USP46: variants seen among roughly 807,000 people sequenced by gnomAD.
USP46 encodes ubiquitin carboxyl-terminal hydrolase 46.
In USP46, 12 loss-of-function variants were observed where a neutral mutation model predicts 44.4. That is an observed-to-expected ratio of 0.27 (90% CI 0.17 to 0.44). The LOEUF (loss-of-function observed/expected upper bound fraction) is 0.44, where lower values mean the gene tolerates loss of function less well. Among genes scored for constraint, USP46 ranks in the 20% least tolerant of loss-of-function variants. USP46 has a pLI of 1.00. For missense variants in USP46, 248 were observed against 444.8 expected (o/e 0.56, Z 3.98); for synonymous variants, 155 against 161.5 (o/e 0.96, Z 0.31).
chr4:52,615,605 T>A (rs1005792381), intron 4 of USP46, among the ~76,000 whole-genome samples: 1 of 152,188 alleles, frequency 6.6e-6, no homozygotes, highest in Admixed American at 6.5e-5. Context: ...AAAAACGTTA[T>A]GTAAGTGAAG....
At position 52,654,505 on chromosome 4, in the gene USP46, C is replaced by T. The variant is rs888566598; in HGVS notation, c.36+4610G>A. Among the ~76,000 whole-genome samples, 20 of 152,128 alleles carry T rather than the reference C, an allele frequency of 1.3e-4. 1 individual carries two copies. The highest frequency in any genetic ancestry group is 2.5e-4 in the Non-Finnish European group (17 of 68,022). ...TTCAAAATTGTAATGTTTACTTTCC[C>T]TTTATTTCCAGATAACTTCATTTAT... On this transcript the variant is annotated intron_variant, in intron 1 of 8. Transcript: ENST00000441222.
intron 1 of USP46, among the ~76,000 whole-genome samples, chr4:52,656,032 T>C (rs1718933635): frequency 6.6e-6 from 1 of 152,238 alleles, no homozygotes; most frequent in African/African-American, 2.4e-5. Context: ...CTTTCTTATC[T>C]GGTGGAGGAA....
At chr4:52,632,785 T>A (rs1717883842) in intron 1 of USP46, among the ~76,000 whole-genome samples, 1 of 148,872 alleles carries the variant, frequency 6.7e-6, no homozygotes, top group Non-Finnish European at 1.5e-5. Flanking sequence ...CACTCCAGCC[T>A]GGGCAACAGA....
intron 4 of USP46, among the ~76,000 whole-genome samples, chr4:52,613,891 T>C (rs1296304293): frequency 6.6e-6 from 1 of 152,162 alleles, no homozygotes; most frequent in Non-Finnish European, 1.5e-5. Context: ...ATGACCCAGA[T>C]GTTGGAATTA....
intron 4 of USP46, 136 bp from the exon 5 acceptor site, chr4:52,610,753 T>C (rs1716907707): frequency 1.4e-6 from 1 of 710,344 alleles, no homozygotes; most frequent in Non-Finnish European, 2.3e-6. Context: ...GTATACTCAT[T>C]GGCACCCAGT....
intron 8 of USP46, among the ~76,000 whole-genome samples, chr4:52,597,957 C>T (rs1716310085): frequency 6.6e-6 from 1 of 152,236 alleles, no homozygotes; most frequent in Non-Finnish European, 1.5e-5. Flanking sequence ...GCAATGCCTT[C>T]ATGCATTAGC....
chr4:52,604,734 G>A, intron 5 of USP46, 150 bp from the exon 6 acceptor site: 1 of 579,712 alleles, frequency 1.7e-6, no homozygotes, highest in South Asian at 2.6e-5. Flanking sequence ...GACTAGGATG[G>A]TAGAGAAACT....
At chr4:52,631,443 C>G (rs970448291) in intron 1 of USP46, among the ~76,000 whole-genome samples, 1 of 152,204 alleles carries the variant, frequency 6.6e-6, no homozygotes, top group Non-Finnish European at 1.5e-5. Flanking sequence ...CCAAGAACTT[C>G]TGAATAAAAC....
chr4:52,602,804 G>A lies in USP46; in HGVS notation c.723-750C>T, dbSNP rs896778886. Among the ~76,000 whole-genome samples, 4 of 152,144 alleles carry A rather than the reference G, an allele frequency of 2.6e-5. 1 individual carries two copies. Among genetic ancestry groups the A allele is most frequent in the Non-Finnish European group, 4.4e-5 (3 of 68,028 alleles). Reference sequence around the variant, plus strand: ...GACTTTGAGAAATCCTGCAGTAAAGGAATTGTTCTGTTGTTTGATGTTGCA... The same window carrying A: ...GACTTTGAGAAATCCTGCAGTAAAGAAATTGTTCTGTTGTTTGATGTTGCA... On this transcript the variant is annotated intron_variant, in intron 6 of 8. Coordinates refer to ENST00000441222, the MANE Select transcript of USP46 (RefSeq NM_022832.4).
chr4:52,606,901 CTGAA>C (rs2109601716), intron 5 of USP46, among the ~76,000 whole-genome samples: 1 of 152,276 alleles, frequency 6.6e-6, no homozygotes, highest in African/African-American at 2.4e-5. Flanking sequence ...TCATACTTAG[CTGAA>C]TGAATACTTC....
At chr4:52,630,504 C>T (rs939774734) in intron 2 of USP46, among the ~76,000 whole-genome samples, 1 of 152,108 alleles carries the variant, frequency 6.6e-6, no homozygotes, top group African/African-American at 2.4e-5. Context: ...CCTGTAATCC[C>T]CACACTTTGG....
At chr4:52,632,035 G>GGGGAAGGGGAAA (rs1284138921) in intron 1 of USP46, among the ~76,000 whole-genome samples, 4 of 151,624 alleles carry the variant, frequency 2.6e-5, no homozygotes, top group African/African-American at 9.7e-5. Flanking sequence ...GGAAGGGGAA[G>GGGGAAGGGGAAA]GGGAAGGGGA....
intron 5 of USP46, among the ~76,000 whole-genome samples, chr4:52,608,449 C>A (rs10028085): frequency 0.012 from 1,756 of 152,340 alleles, 25 homozygotes; most frequent in East Asian, 0.048. Flanking sequence ...CTATGGCTGG[C>A]CATGGGGCTC....
At chr4:52,656,353 GT>G in intron 1 of USP46, 1 of 1,501,040 alleles carries the variant, frequency 6.7e-7, no homozygotes, top group Admixed American at 2.1e-5. Flanking sequence ...TAATATTTAC[GT>G]CTGATCCAGT....
At chr4:52,639,067 T>C (rs914356554) in intron 1 of USP46, among the ~76,000 whole-genome samples, 4 of 152,188 alleles carry the variant, frequency 2.6e-5, no homozygotes, top group Admixed American at 6.5e-5. Context: ...TTAACAGACT[T>C]AGGGCTTAAA....
At chr4:52,632,990 A>AAAGAAAGAAAGAGAAGAAAAG in intron 1 of USP46, among the ~76,000 whole-genome samples, 1 of 66,294 alleles carries the variant, frequency 1.5e-5, no homozygotes, top group Non-Finnish European at 3.0e-5. Context: ...GAAAGAAAAG[A>AAAGAAAGAAAGAGAAGAAAAG]AAAGAAAGAA....
chr4:52,618,787 C>T (rs182541404), intron 4 of USP46, among the ~76,000 whole-genome samples: 4 of 152,254 alleles, frequency 2.6e-5, no homozygotes, highest in Admixed American at 2.6e-4. Flanking sequence ...AGTATCACAC[C>T]TCCCTCCATT....
At chr4:52,632,984 GA>G (rs368999019) in intron 1 of USP46, among the ~76,000 whole-genome samples, 4,022 of 50,592 alleles carry the variant, frequency 0.079, 279 homozygotes, top group African/African-American at 0.12. Context: ...AAGAAAGAAA[GA>G]AAAGAAAAGA....
intron 1 of USP46, among the ~76,000 whole-genome samples, chr4:52,657,794 G>A (rs747682493): frequency 6.6e-5 from 10 of 152,348 alleles, no homozygotes; most frequent in Middle Eastern, 3.4e-3. Context: ...GGAGGCCCCA[G>A]CATTTGCTTT....
Sources: allele counts gnomAD v4.1 joint callset (sites outside exome capture counted in the v4.1 genomes callset), GRCh38; gene constraint gnomAD v4.1.1; transcripts MANE v1.5; gene names NCBI Gene and HGNC (gene_info 2026-07-23, HGNC 2026-07-21).